Variants in NRXN1 observed in about 807,000 individuals in gnomAD.
NRXN1 encodes neurexin-1.
A neutral mutation model predicts 150.9 loss-of-function variants in NRXN1; 39 were observed. That is an observed-to-expected ratio of 0.26 (90% CI 0.20 to 0.34). The LOEUF (loss-of-function observed/expected upper bound fraction) is 0.34, where lower values mean the gene tolerates loss of function less well. NRXN1 is among the 10% of genes least tolerant of loss of function. The pLI is 1.00. For synonymous variants in NRXN1, 924 were observed against 757.0 expected, an observed-to-expected ratio of 1.22 and a Z score of -3.62; for missense variants, 1,815 against 1,949.9, an observed-to-expected ratio of 0.93 and a Z score of 1.30.
chr2:50,890,356 C>T (rs1458028824), intron 5 of NRXN1, among the ~76,000 whole-genome samples: 1 of 151,754 alleles, frequency 6.6e-6, no homozygotes, highest in Non-Finnish European at 1.5e-5. Context: ...AAATCAACCA[C>T]TCAGTAAATG....
intron 17 of NRXN1, among the ~76,000 whole-genome samples, chr2:50,240,053 G>T (rs146983816): frequency 6.6e-6 from 1 of 151,456 alleles, no homozygotes; most frequent in Admixed American, 6.6e-5. Context: ...AGTAAGATAA[G>T]TGTCACAATA....
intron 3 of NRXN1, among the ~76,000 whole-genome samples, 155 bp from the exon 4 acceptor site, chr2:50,922,842 T>G (rs1242428969): frequency 6.6e-6 from 1 of 151,884 alleles, no homozygotes; most frequent in East Asian, 1.9e-4. Context: ...TTTCAACCCC[T>G]GGTTGGAATG....
At chr2:50,670,132 G>T (rs78757870) in intron 5 of NRXN1, among the ~76,000 whole-genome samples, 10 of 151,506 alleles carry the variant, frequency 6.6e-5, no homozygotes, top group African/African-American at 2.4e-4. Flanking sequence ...TCTTAAGAGC[G>T]TTGCACTATG....
chr2:50,267,569 T>C (rs1292931389), intron 17 of NRXN1, among the ~76,000 whole-genome samples: 1 of 152,082 alleles, frequency 6.6e-6, no homozygotes, highest in African/African-American at 2.4e-5. Context: ...GGGGAGCAAA[T>C]GTTAGGCTTT....
At chr2:49,992,816 A>G (rs1390028127) in intron 21 of NRXN1, among the ~76,000 whole-genome samples, 1 of 152,236 alleles carries the variant, frequency 6.6e-6, no homozygotes, top group Admixed American at 6.5e-5. Flanking sequence ...GATGCTCCAC[A>G]TTATACACCA....
intron 17 of NRXN1, among the ~76,000 whole-genome samples, chr2:50,404,307 C>G (rs1375970977): frequency 6.6e-6 from 1 of 152,066 alleles, no homozygotes; most frequent in African/African-American, 2.4e-5. Context: ...AGTATCCATT[C>G]TCCTCCTATT....
At chr2:50,438,217 C>T (rs2085620831) in intron 17 of NRXN1, among the ~76,000 whole-genome samples, 1 of 152,178 alleles carries the variant, frequency 6.6e-6, no homozygotes, top group Non-Finnish European at 1.5e-5. Context: ...CTTCTCCAGG[C>T]ATGGTTAGAA....
At chr2:50,275,404 T>C (rs1398117520) in intron 17 of NRXN1, among the ~76,000 whole-genome samples, 1 of 152,194 alleles carries the variant, frequency 6.6e-6, no homozygotes, top group South Asian at 2.1e-4. Context: ...ATTCAGCACA[T>C]GCATTTCTAA....
Position 50,513,621 on chromosome 2 carries a change from T to G in NRXN1, c.2375-7004A>C, listed in dbSNP as rs147772019. 5.5e-3 allele frequency among the ~76,000 whole-genome samples: 834 copies of G among 152,292 alleles called. 9 individuals are homozygous for G. Among genetic ancestry groups the G allele is most frequent in the Non-Finnish European group, 7.2e-3 (491 of 68,012 alleles). On this transcript the variant is annotated intron_variant, in intron 12 of 22. Transcript: ENST00000401669. ...TTTGGATGCTTTTTGCTACAAAGCCTTCTGTGCAAATATCTTGTGAACAAT... is the reference window on the plus strand; with the variant it reads ...TTTGGATGCTTTTTGCTACAAAGCCGTCTGTGCAAATATCTTGTGAACAAT...
chr2:50,373,690 G>GGAAA (rs70948706), intron 17 of NRXN1, among the ~76,000 whole-genome samples: 927 of 91,674 alleles, frequency 0.01, 65 homozygotes, highest in African/African-American at 0.038. Context: ...AAAGAAAGAA[G>GGAAA]GAAAGAAAGA....
intron 5 of NRXN1, among the ~76,000 whole-genome samples, chr2:50,782,876 G>A (rs1387416071): frequency 6.6e-6 from 1 of 152,146 alleles, no homozygotes; most frequent in Non-Finnish European, 1.5e-5. Flanking sequence ...CTAATAAATG[G>A]TGGCTCTATT....
chr2:50,221,924 T>C (rs2063924618), intron 18 of NRXN1, among the ~76,000 whole-genome samples: 1 of 152,014 alleles, frequency 6.6e-6, no homozygotes, highest in African/African-American at 2.4e-5. Flanking sequence ...CTACTCTGTT[T>C]GTTATATTAA....
At chr2:50,399,108 TTA>T (rs2082232674) in intron 17 of NRXN1, among the ~76,000 whole-genome samples, 1 of 152,176 alleles carries the variant, frequency 6.6e-6, no homozygotes, top group Admixed American at 6.6e-5. Context: ...CCCTCTGTTT[TTA>T]TGTTTTTCAC....
chr2:50,359,643 G>C (rs7568284), intron 17 of NRXN1, among the ~76,000 whole-genome samples: 35,836 of 151,918 alleles, frequency 0.24, 4,636 homozygotes, highest in East Asian at 0.45. Context: ...TGGTCTACCT[G>C]AAAGTGAAGG....
intron 21 of NRXN1, among the ~76,000 whole-genome samples, chr2:49,983,313 A>C (rs529612833): frequency 1.3e-5 from 2 of 152,268 alleles, no homozygotes; most frequent in East Asian, 3.9e-4. Context: ...ACATTCAATA[A>C]ATGTTTGTTA....
intron 21 of NRXN1, among the ~76,000 whole-genome samples, chr2:49,998,348 T>G (rs1158212515): frequency 6.6e-6 from 1 of 152,194 alleles, no homozygotes; most frequent in Non-Finnish European, 1.5e-5. Context: ...CAAATCTTAA[T>G]GCCCATGTAT....
chr2:50,726,645 C>T (rs1574258141), intron 5 of NRXN1, among the ~76,000 whole-genome samples: 2 of 152,190 alleles, frequency 1.3e-5, no homozygotes, highest in African/African-American at 2.4e-5. Flanking sequence ...ATTTGCCCAA[C>T]GTTACAAAAA....
chr2:50,232,031 G>A (rs936198618), intron 18 of NRXN1, among the ~76,000 whole-genome samples: 1 of 151,924 alleles, frequency 6.6e-6, no homozygotes, highest in Non-Finnish European at 1.5e-5. Context: ...TCTATTATTT[G>A]TTAACTGTCC....
chr2:50,714,129 G>A (rs866734303), intron 5 of NRXN1, among the ~76,000 whole-genome samples: 1 of 152,150 alleles, frequency 6.6e-6, no homozygotes, highest in Non-Finnish European at 1.5e-5. Flanking sequence ...GTGAACTGAC[G>A]TCTGTCTTCC....
Sources: gnomAD v4.1 joint callset for allele counts (sites outside exome capture counted in the v4.1 genomes callset) on GRCh38, gnomAD v4.1.1 for gene constraint, MANE v1.5 for transcripts, NCBI Gene and HGNC (gene_info 2026-07-23, HGNC 2026-07-21) for gene names.